Variants in NRXN1 observed in about 807,000 individuals in gnomAD.
The protein encoded by NRXN1 is neurexin 1, also known as neurexin-1.
A neutral mutation model predicts 150.9 loss-of-function variants in NRXN1; 39 were observed. That is an observed-to-expected ratio of 0.26 (90% CI 0.20 to 0.34). The LOEUF (loss-of-function observed/expected upper bound fraction) is 0.34, where lower values mean the gene tolerates loss of function less well. Among genes scored for constraint, NRXN1 ranks in the 10% least tolerant of loss-of-function variants. The pLI, the probability that NRXN1 is intolerant of heterozygous loss-of-function variation, is 1.00. For synonymous variants in NRXN1, 924 were observed against 757.0 expected (o/e 1.22, Z -3.62); for missense variants, 1,815 against 1,949.9 (o/e 0.93, Z 1.30).
At chr2:50,198,354 A>G (rs1320612841) in intron 18 of NRXN1, among the ~76,000 whole-genome samples, 1 of 152,144 alleles carries the variant, frequency 6.6e-6, no homozygotes, top group Non-Finnish European at 1.5e-5. Flanking sequence ...TTGAGATAAC[A>G]CAGCTAGCCA....
intron 8 of NRXN1, among the ~76,000 whole-genome samples, chr2:50,568,190 T>C (rs1214030291): frequency 6.6e-6 from 1 of 152,044 alleles, no homozygotes; most frequent in African/African-American, 2.4e-5. Context: ...AATTAACTTT[T>C]AATAATAATG....
At chr2:50,256,582 C>T (rs1440939398) in intron 17 of NRXN1, among the ~76,000 whole-genome samples, 2 of 152,070 alleles carry the variant, frequency 1.3e-5, no homozygotes, top group African/African-American at 4.8e-5. Context: ...TTGTCTTGAT[C>T]ATTCTTTCCA....
At position 50,679,024 on chromosome 2, in the gene NRXN1, T is replaced by C. The variant is rs551966156; in HGVS notation, c.833-55409A>G. 3.3e-5 allele frequency among the ~76,000 whole-genome samples: 5 copies of C among 152,170 alleles called. No individual in the cohort carries two copies. In the East Asian group the frequency reaches 7.7e-4, roughly 24 times the overall value. ...ATTGTCTACTTGTTACAAGGTGCAGTGCCACTCTAGAGACCACAGATTGGT... is the reference window on the plus strand; with the variant it reads ...ATTGTCTACTTGTTACAAGGTGCAGCGCCACTCTAGAGACCACAGATTGGT... On this transcript the variant is annotated intron_variant, in intron 5 of 22. Transcript: ENST00000401669.
At chr2:50,538,115 G>C (rs778000046) in intron 10 of NRXN1, 138 bp downstream of exon 10, 25 of 901,676 alleles carry the variant, frequency 2.8e-5, no homozygotes, top group Admixed American at 5.9e-5. Flanking sequence ...TCCATGTCAG[G>C]TATGGCTGCT....
At chr2:50,265,965 G>GTTATTATTATTATTA (rs757745541) in intron 17 of NRXN1, among the ~76,000 whole-genome samples, 1 of 132,370 alleles carries the variant, frequency 7.6e-6, no homozygotes, top group Non-Finnish European at 1.6e-5. Context: ...TTATTTCTTT[G>GTTATTATTATTATTA]TTATTATTAT....
Position 50,641,843 on chromosome 2 carries a change from T to C in NRXN1, c.833-18228A>G, listed in dbSNP as rs866896205. Among the ~76,000 whole-genome samples the C allele has an allele frequency of 7.9e-5, 12 of 152,230 alleles. No homozygotes were observed. The Middle Eastern group carries it at 0.021, about 261-fold the overall frequency. On this transcript the variant is annotated intron_variant, in intron 5 of 22. Coordinates refer to ENST00000401669, the MANE Select transcript of NRXN1 (RefSeq NM_001330078.2). ...CCTTCAGAGCACTTTTGGATGCTGC[T>C]GCAGGTGTTTCCTGTAGAGAACTCC...
At chr2:50,363,876 T>G (rs1337344977) in intron 17 of NRXN1, among the ~76,000 whole-genome samples, 2 of 152,058 alleles carry the variant, frequency 1.3e-5, no homozygotes, top group African/African-American at 4.8e-5. Flanking sequence ...ATAAAGAAAA[T>G]GTGCACATAT....
At chr2:50,581,252 G>C (rs1387581055) in intron 8 of NRXN1, among the ~76,000 whole-genome samples, 1 of 152,136 alleles carries the variant, frequency 6.6e-6, no homozygotes, top group Non-Finnish European at 1.5e-5. Context: ...AAAAATGTTT[G>C]GCTAGTGAAA....
chr2:50,883,848 A>G (rs1443725361), intron 5 of NRXN1, among the ~76,000 whole-genome samples: 1 of 151,834 alleles, frequency 6.6e-6, no homozygotes, highest in African/African-American at 2.4e-5. Flanking sequence ...TTCCATTTTT[A>G]CAAAATACAG....
intron 5 of NRXN1, among the ~76,000 whole-genome samples, chr2:50,875,614 C>T (rs1678461503): frequency 6.6e-6 from 1 of 151,748 alleles, no homozygotes; most frequent in Non-Finnish European, 1.5e-5. Context: ...GCCTTAAAAG[C>T]TAAGCTCCTC....
intron 2 of NRXN1, among the ~76,000 whole-genome samples, chr2:51,024,450 G>T (rs1431667558): frequency 6.6e-6 from 1 of 152,024 alleles, no homozygotes; most frequent in East Asian, 1.9e-4. Flanking sequence ...CAAGAAAAAG[G>T]GCTTGGGAAC....
At chr2:49,960,904 A>C (rs2104547931) in intron 21 of NRXN1, among the ~76,000 whole-genome samples, 1 of 152,336 alleles carries the variant, frequency 6.6e-6, no homozygotes, top group African/African-American at 2.4e-5. Context: ...TGGAATCCAT[A>C]GCATACTATA....
intron 2 of NRXN1, among the ~76,000 whole-genome samples, chr2:51,022,151 T>C (rs933282082): frequency 6.6e-6 from 1 of 151,940 alleles, no homozygotes; most frequent in African/African-American, 2.4e-5. Context: ...CTAAAGAAAA[T>C]AGTGTCGGTG....
At chr2:50,096,661 C>T (rs577476356) in intron 18 of NRXN1, among the ~76,000 whole-genome samples, 11 of 152,140 alleles carry the variant, frequency 7.2e-5, no homozygotes, top group Admixed American at 2.0e-4. Context: ...ATATCAGTAA[C>T]GAGGCATTTA....
chr2:50,712,847 T>C (rs1001540006), intron 5 of NRXN1, among the ~76,000 whole-genome samples: 1 of 152,186 alleles, frequency 6.6e-6, no homozygotes, highest in East Asian at 1.9e-4. Context: ...CTGGCTGAAA[T>C]GCCTTGACAT....
At chr2:50,116,500 C>G (rs1703088729) in intron 18 of NRXN1, among the ~76,000 whole-genome samples, 1 of 152,054 alleles carries the variant, frequency 6.6e-6, no homozygotes. Flanking sequence ...CCTGAACTCT[C>G]TGGAAATGTC....
intron 5 of NRXN1, among the ~76,000 whole-genome samples, chr2:50,705,576 T>A (rs1357337210): frequency 6.6e-6 from 1 of 152,248 alleles, no homozygotes; most frequent in East Asian, 1.9e-4. Context: ...GATTACTGGA[T>A]AATCTCCTGA....
In NRXN1 at chr2:50,829,423, C is replaced by G. The variant is rs540117720; in HGVS notation, c.832+92446G>C. The G allele has an allele frequency of 1.5e-5, 21 of 1,440,068 alleles. No individual in the cohort carries two copies. In the African/African-American group the frequency reaches 1.5e-4, roughly 11 times the overall value. 89.2% of individuals were successfully genotyped at this position (1,440,068 alleles called of 1,614,324 possible). Reference sequence around the variant, plus strand: ...GATTACAGGCATGAGCCACTGTGCCCGGCTAACTCAGGATTTTTCCCTTTG... The same window carrying G: ...GATTACAGGCATGAGCCACTGTGCCGGGCTAACTCAGGATTTTTCCCTTTG... On this transcript the variant is annotated intron_variant, in intron 5 of 22. Coordinates refer to ENST00000401669, the MANE Select transcript of NRXN1 (RefSeq NM_001330078.2).
intron 17 of NRXN1, among the ~76,000 whole-genome samples, chr2:50,444,317 A>G (rs1413034925): frequency 6.6e-6 from 1 of 152,168 alleles, no homozygotes; most frequent in Non-Finnish European, 1.5e-5. Flanking sequence ...GCCTGACTTT[A>G]ATTTTCTGAA....
Sources: allele counts gnomAD v4.1 joint callset (sites outside exome capture counted in the v4.1 genomes callset), GRCh38; gene constraint gnomAD v4.1.1; transcripts MANE v1.5; gene names NCBI Gene and HGNC (gene_info 2026-07-23, HGNC 2026-07-21).